Variants in PIK3C2G observed in about 807,000 individuals in gnomAD.
The protein encoded by PIK3C2G is phosphatidylinositol 3-kinase C2 domain-containing subunit gamma.
In PIK3C2G, 168 loss-of-function variants were observed where a neutral mutation model predicts 181.1. The ratio of observed to expected loss-of-function variants is 0.93; its 90% CI spans 0.82 to 1.05. The LOEUF is 1.05. Among genes scored for constraint, PIK3C2G ranks in the 50% least tolerant of loss-of-function variants. PIK3C2G has a pLI of 0.00. For missense variants in PIK3C2G, 1,869 were observed against 1,732.8 expected, an observed-to-expected ratio of 1.08 and a Z score of -1.40; for synonymous variants, 573 against 592.2, an observed-to-expected ratio of 0.97 and a Z score of 0.47.
chr12:18,331,402 G>T (rs1310926910), intron 8 of PIK3C2G, among the ~76,000 whole-genome samples: 1 of 151,988 alleles, frequency 6.6e-6, no homozygotes, highest in Non-Finnish European at 1.5e-5. Flanking sequence ...GTTTATTAAA[G>T]TTATTAGTTC....
At chr12:18,306,528 T>C (rs1392761967) in intron 5 of PIK3C2G, among the ~76,000 whole-genome samples, 1 of 152,030 alleles carries the variant, frequency 6.6e-6, no homozygotes, top group Non-Finnish European at 1.5e-5. Flanking sequence ...AATACCACTT[T>C]GAGCACAAAA....
chr12:18,527,767 A>G (rs1027794264), intron 24 of PIK3C2G, among the ~76,000 whole-genome samples: 2 of 152,072 alleles, frequency 1.3e-5, no homozygotes, highest in African/African-American at 4.8e-5. Flanking sequence ...GACACAATAT[A>G]TTATACTTAG....
chr12:18,347,924 A>G (rs1302463280), intron 11 of PIK3C2G, among the ~76,000 whole-genome samples: 1 of 152,072 alleles, frequency 6.6e-6, no homozygotes, highest in African/African-American at 2.4e-5. Context: ...ACCTATGTAT[A>G]TAAAAAACAC....
intron 24 of PIK3C2G, among the ~76,000 whole-genome samples, chr12:18,535,378 A>G (rs1943792164): frequency 6.6e-6 from 1 of 152,012 alleles, no homozygotes; most frequent in Non-Finnish European, 1.5e-5. Flanking sequence ...CACAACTAAA[A>G]TTTGTTTCTT....
At chr12:18,290,200 C>G (rs1186234890) in intron 3 of PIK3C2G, among the ~76,000 whole-genome samples, 1 of 152,070 alleles carries the variant, frequency 6.6e-6, no homozygotes, top group Non-Finnish European at 1.5e-5. Flanking sequence ...CTGGCCATAA[C>G]ATTACTAAAT....
intron 16 of PIK3C2G, among the ~76,000 whole-genome samples, chr12:18,400,610 G>A (rs1351743292): frequency 6.6e-6 from 1 of 152,126 alleles, no homozygotes; most frequent in African/African-American, 2.4e-5. Flanking sequence ...GGGAAAGGGA[G>A]TTACATGAAG....
intron 24 of PIK3C2G, among the ~76,000 whole-genome samples, chr12:18,525,942 TAGACAAC>T (rs1360490065): frequency 6.6e-6 from 1 of 152,200 alleles, no homozygotes; most frequent in East Asian, 1.9e-4. Context: ...TTTATCCCAA[TAGACAAC>T]AAATTACCTA....
the PIK3C2G span, chr12:18,694,177 A>G: frequency 1.5e-6 from 1 of 670,808 alleles, no homozygotes; most frequent in South Asian, 1.9e-5. Context: ...GGAGTTGCCC[A>G]GAGGAATCTC....
chr12:18,569,465 G>A (rs1043586257), intron 29 of PIK3C2G, among the ~76,000 whole-genome samples: 10 of 151,934 alleles, frequency 6.6e-5, no homozygotes, highest in African/African-American at 2.4e-4. Context: ...CAAGGTTCAT[G>A]GATTTTTATT....
chr12:18,490,813 CT>C (rs1308313294), intron 19 of PIK3C2G, among the ~76,000 whole-genome samples: 1 of 152,126 alleles, frequency 6.6e-6, no homozygotes, highest in Non-Finnish European at 1.5e-5. Flanking sequence ...TTTCCTATCT[CT>C]TTTGTCATAG....
chr12:18,596,480 T>G (rs149427486), intron 30 of PIK3C2G, among the ~76,000 whole-genome samples: 149 of 151,930 alleles, frequency 9.8e-4, no homozygotes, highest in African/African-American at 3.4e-3. Flanking sequence ...AAATAATACC[T>G]CCACAAAAAA....
At chr12:18,355,176 C>T (rs1940607719) in intron 11 of PIK3C2G, among the ~76,000 whole-genome samples, 1 of 152,158 alleles carries the variant, frequency 6.6e-6, no homozygotes, top group South Asian at 2.1e-4. Flanking sequence ...TCTGGTTTTC[C>T]TTCCTAAGGC....
intron 18 of PIK3C2G, among the ~76,000 whole-genome samples, chr12:18,481,191 C>T (rs1939528419): frequency 6.6e-6 from 1 of 152,120 alleles, no homozygotes; most frequent in Non-Finnish European, 1.5e-5. Context: ...ACCTAGGCCT[C>T]CCAAAATGCT....
chr12:18,259,741 A>C (rs1429365115), upstream of PIK3C2G, among the ~76,000 whole-genome samples: 1 of 119,018 alleles, frequency 8.4e-6, no homozygotes, highest in Non-Finnish European at 1.8e-5. Flanking sequence ...AAATCAAATA[A>C]ACTTGCACGT....
intron 15 of PIK3C2G, among the ~76,000 whole-genome samples, chr12:18,394,532 T>C (rs1257671427): frequency 6.6e-6 from 1 of 152,044 alleles, no homozygotes; most frequent in Non-Finnish European, 1.5e-5. Flanking sequence ...CAAATAATTA[T>C]TCCAATACAG....
chr12:18,294,124 T>A lies in PIK3C2G; in HGVS notation c.1034+109T>A, dbSNP rs149326014. The A allele has an allele frequency of 8.5e-3, 5,023 of 587,912 alleles. 59 individuals carry two copies. The highest frequency in any genetic ancestry group is 0.047 in the Admixed American group (1,360 of 29,172). 36.4% of individuals were successfully genotyped at this position (587,912 alleles called of 1,614,324 possible). A position where few individuals can be genotyped will look rare whatever the true frequency, so the allele number is the denominator to read the frequency against. On this transcript the variant is annotated intron_variant, in intron 5 of 32. Coordinates refer to ENST00000538779, the MANE Select transcript of PIK3C2G (RefSeq NM_001288772.2). ...TTTACACAAACATTATAGTCTTATA[T>A]AATTAAATCAATTTTACCCCCTTTG... is the stretch of plus-strand genomic sequence containing the variant.
chr12:18,295,121 T>G (rs1370808318), intron 5 of PIK3C2G, among the ~76,000 whole-genome samples: 2 of 149,954 alleles, frequency 1.3e-5, no homozygotes, highest in Non-Finnish European at 3.0e-5. Context: ...TATTTTATAA[T>G]AAATAATTAT....
At chr12:18,642,004 C>A (rs903245930) in intron 32 of PIK3C2G, among the ~76,000 whole-genome samples, 2 of 152,176 alleles carry the variant, frequency 1.3e-5, no homozygotes, top group Admixed American at 6.5e-5. Context: ...CCGCCTCAGC[C>A]TCCCAAAATG....
In PIK3C2G at chr12:18,648,214, A is replaced by G. The variant is rs183649649; in HGVS notation, c.*186A>G. 2.6e-3 allele frequency: 893 copies of G among 349,438 alleles called. 2 individuals are homozygous for G. The highest frequency in any genetic ancestry group is 3.6e-3 in the Admixed American group (77 of 21,292). 21.6% of individuals were successfully genotyped at this position (349,438 alleles called of 1,614,324 possible). ...CTACCTGTGCTTTCATTGTTTTTTC[A>G]TAATCTTTTCTCCTTCAGTGGAGTA... On this transcript the variant is annotated 3_prime_UTR_variant, in exon 33 of 33. Coordinates refer to ENST00000538779, the MANE Select transcript of PIK3C2G (RefSeq NM_001288772.2).
Sources: gnomAD v4.1 joint callset for allele counts (sites outside exome capture counted in the v4.1 genomes callset) on GRCh38, gnomAD v4.1.1 for gene constraint, MANE v1.5 for transcripts, NCBI Gene and HGNC (gene_info 2026-07-23, HGNC 2026-07-21) for gene names.